NKAIN2: variants seen among roughly 807,000 people sequenced by gnomAD.
The protein encoded by NKAIN2 is sodium/potassium transporting ATPase interacting 2, also known as sodium/potassium-transporting ATPase subunit beta-1-interacting protein 2.
In NKAIN2, 14 loss-of-function variants were observed where a neutral mutation model predicts 32.6. The ratio of observed to expected loss-of-function variants is 0.43; its 90% CI spans 0.28 to 0.67. NKAIN2 has a LOEUF of 0.67. Ranked by LOEUF, NKAIN2 falls within the 30% of genes least tolerant of loss-of-function variation. The pLI, the probability that NKAIN2 is intolerant of heterozygous loss-of-function variation, is 0.17. For missense variants in NKAIN2, 198 were observed against 258.3 expected (o/e 0.77, Z 1.60); for synonymous variants, 80 against 87.2 (o/e 0.92, Z 0.46).
intron 5 of NKAIN2, among the ~76,000 whole-genome samples, chr6:124,799,228 A>C (rs973436071): frequency 2.0e-5 from 3 of 152,226 alleles, no homozygotes; most frequent in Non-Finnish European, 2.9e-5. Context: ...ATTCTCCAAC[A>C]GTGTTACATG....
chr6:124,705,437 TCA>T (rs1282946546), intron 4 of NKAIN2, among the ~76,000 whole-genome samples: 1 of 152,098 alleles, frequency 6.6e-6, no homozygotes, highest in Non-Finnish European at 1.5e-5. Flanking sequence ...TTGTTGTCTG[TCA>T]CAGACTGATG....
rs144988229 is a variant in NKAIN2 at position 124,464,977 on chromosome 6, A to G, written c.273+109630A>G. ...TTTGGACAGTATGGCCATTTTCACA[A>G]TATTGATTCTTCCTATCCATGAGCG... is the stretch of plus-strand genomic sequence containing the variant. On this transcript the variant is annotated intron_variant, in intron 3 of 6. Coordinates refer to ENST00000368417, the MANE Select transcript of NKAIN2 (RefSeq NM_001040214.3). 2.5e-3 allele frequency among the ~76,000 whole-genome samples: 385 copies of G among 152,154 alleles called. 3 individuals carry two copies. Among genetic ancestry groups the G allele is most frequent in the African/African-American group, 8.6e-3 (356 of 41,514 alleles).
At chr6:124,062,287 C>A (rs1309026445) in intron 1 of NKAIN2, among the ~76,000 whole-genome samples, 1 of 152,094 alleles carries the variant, frequency 6.6e-6, no homozygotes, top group Non-Finnish European at 1.5e-5. Flanking sequence ...TATAAACCCC[C>A]AGTATAGGAC....
In NKAIN2 at chr6:124,167,879, A is replaced by T. The variant is rs1010090901; in HGVS notation, c.55-115126A>T. Among the ~76,000 whole-genome samples the T allele has an allele frequency of 2.6e-5, 4 of 152,110 alleles. No individual in the cohort carries two copies. The East Asian group carries it at 7.7e-4, about 29-fold the overall frequency. ...ATTATAGATTCAGTGATTTTTATGT[A>T]CTTAGGTAGCCTCTTGAATTGAGCT... On this transcript the variant is annotated intron_variant, in intron 1 of 6. Coordinates refer to ENST00000368417, the MANE Select transcript of NKAIN2 (RefSeq NM_001040214.3).
chr6:123,878,419 C>A (rs936943168), intron 1 of NKAIN2, among the ~76,000 whole-genome samples: 4 of 152,102 alleles, frequency 2.6e-5, no homozygotes, highest in African/African-American at 9.7e-5. Flanking sequence ...TTTGTTCAGT[C>A]AGTTGTCAAG....
intron 1 of NKAIN2, among the ~76,000 whole-genome samples, chr6:124,200,099 A>G (rs1016353589): frequency 6.6e-5 from 10 of 152,128 alleles, no homozygotes; most frequent in Non-Finnish European, 1.2e-4. Context: ...TGCATGTTTT[A>G]TATCAGCTCT....
intron 3 of NKAIN2, among the ~76,000 whole-genome samples, chr6:124,400,372 C>G (rs1456834967): frequency 6.6e-6 from 1 of 151,980 alleles, no homozygotes; most frequent in East Asian, 1.9e-4. Context: ...TTCATAGAAC[C>G]AGTGACTCCT....
chr6:124,654,068 G>A (rs2114408747), intron 3 of NKAIN2, among the ~76,000 whole-genome samples: 1 of 152,168 alleles, frequency 6.6e-6, no homozygotes, highest in Non-Finnish European at 1.5e-5. Flanking sequence ...TTCTAAAAAT[G>A]TTACTTCACA....
At chr6:123,867,120 C>T (rs1199532061) in intron 1 of NKAIN2, among the ~76,000 whole-genome samples, 1 of 152,184 alleles carries the variant, frequency 6.6e-6, no homozygotes, top group Non-Finnish European at 1.5e-5. Flanking sequence ...CGTATCTAAT[C>T]AGCTACTAAG....
chr6:124,094,090 A>G (rs556107912), intron 1 of NKAIN2, among the ~76,000 whole-genome samples: 26 of 152,138 alleles, frequency 1.7e-4, no homozygotes, highest in Non-Finnish European at 3.1e-4. Context: ...AAACAAAACA[A>G]AAATAATGCA....
At chr6:124,383,466 C>T (rs1259158197) in intron 3 of NKAIN2, among the ~76,000 whole-genome samples, 1 of 152,128 alleles carries the variant, frequency 6.6e-6, no homozygotes, top group Non-Finnish European at 1.5e-5. Context: ...CACAATTGAC[C>T]TCTGCCTAAC....
At chr6:124,088,903 A>G (rs79382240) in intron 1 of NKAIN2, among the ~76,000 whole-genome samples, 2 of 152,162 alleles carry the variant, frequency 1.3e-5, no homozygotes, top group East Asian at 1.9e-4. Context: ...ATATGTTGGC[A>G]TAGAAAACTA....
chr6:124,240,695 C>T (rs1037427978), intron 1 of NKAIN2, among the ~76,000 whole-genome samples: 4 of 151,954 alleles, frequency 2.6e-5, no homozygotes, highest in African/African-American at 9.7e-5. Flanking sequence ...AAATTAAACA[C>T]CCCTTCATGC....
chr6:124,046,521 T>C (rs1051806503), intron 1 of NKAIN2, among the ~76,000 whole-genome samples: 4 of 152,082 alleles, frequency 2.6e-5, no homozygotes, highest in African/African-American at 9.7e-5. Context: ...TTGACCCTTC[T>C]TGATTCTGTA....
chr6:124,203,796 C>G (rs976631334), intron 1 of NKAIN2, among the ~76,000 whole-genome samples: 1 of 151,560 alleles, frequency 6.6e-6, no homozygotes, highest in Non-Finnish European at 1.5e-5. Context: ...ATTACACATT[C>G]TTTTTTTTAA....
intron 3 of NKAIN2, among the ~76,000 whole-genome samples, chr6:124,443,781 T>C (rs574293102): frequency 3.9e-5 from 6 of 152,246 alleles, no homozygotes; most frequent in South Asian, 2.1e-4. Context: ...TATACAGTCA[T>C]GACTAGGTAA....
At chr6:124,632,470 TTG>T (rs1783608446) in intron 3 of NKAIN2, among the ~76,000 whole-genome samples, 1 of 152,180 alleles carries the variant, frequency 6.6e-6, no homozygotes, top group South Asian at 2.1e-4. Context: ...ATTGAATTGT[TTG>T]TTTCTTTCCC....
chr6:124,621,542 G>A (rs1033293128), intron 3 of NKAIN2, among the ~76,000 whole-genome samples: 4 of 152,098 alleles, frequency 2.6e-5, no homozygotes, highest in Non-Finnish European at 5.9e-5. Context: ...TAAAAGGAGA[G>A]CTAGGGTTTC....
intron 1 of NKAIN2, among the ~76,000 whole-genome samples, chr6:123,818,452 AT>A (rs1773791816): frequency 6.6e-6 from 1 of 151,718 alleles, no homozygotes; most frequent in South Asian, 2.1e-4. Context: ...AGCTATTAAC[AT>A]TTTTTAGGTG....
Sources: gnomAD v4.1 joint callset for allele counts (sites outside exome capture counted in the v4.1 genomes callset) on GRCh38, gnomAD v4.1.1 for gene constraint, MANE v1.5 for transcripts, NCBI Gene and HGNC (gene_info 2026-07-23, HGNC 2026-07-21) for gene names.